The following ERICH6B variants were observed in gnomAD, a reference collection of about 807,000 sequenced individuals.
The protein encoded by ERICH6B is glutamate-rich protein 6B.
ERICH6B carries 69 observed loss-of-function variants against 80.0 expected under a neutral mutation model. The observed-to-expected ratio is 0.86, with a 90% CI of 0.71 to 1.05. ERICH6B has a LOEUF of 1.05. Among genes scored for constraint, ERICH6B ranks in the 50% least tolerant of loss-of-function variants. The probability of loss-of-function intolerance (pLI) is 0.00; values close to 1 mark genes in which losing one functional copy is unlikely to be tolerated. For synonymous variants in ERICH6B, 283 were observed against 291.9 expected, an observed-to-expected ratio of 0.97 and a Z score of 0.31; for missense variants, 754 against 796.1, an observed-to-expected ratio of 0.95 and a Z score of 0.64.
intron 8 of ERICH6B, among the ~76,000 whole-genome samples, chr13:45,569,523 G>A (rs763290126): frequency 3.3e-5 from 5 of 152,206 alleles, no homozygotes; most frequent in Non-Finnish European, 7.4e-5. Flanking sequence ...AAGAGTTTGT[G>A]TTTTGGATCC....
rs201041174 is a variant in ERICH6B, at chr13:45,597,988, C to T, written c.-58-925G>A. 1.1e-4 allele frequency among the ~76,000 whole-genome samples: 17 copies of T among 152,280 alleles called. No homozygotes were observed. In the East Asian group the frequency reaches 1.4e-3, roughly 12 times the overall value. ...CTAGTCATTTGCTGCAAAGAGTGTTCTTATAAAAATATAAATCAAATCAGG... is the reference window on the plus strand; with the variant it reads ...CTAGTCATTTGCTGCAAAGAGTGTTTTTATAAAAATATAAATCAAATCAGG... On this transcript the variant is annotated intron_variant, in intron 2 of 14. Transcript: ENST00000298738.
At chr13:45,562,759 G>A (rs1665556690) in intron 10 of ERICH6B, among the ~76,000 whole-genome samples, 1 of 152,236 alleles carries the variant, frequency 6.6e-6, no homozygotes, top group Non-Finnish European at 1.5e-5. Context: ...CCCAGCATAA[G>A]CACTGTGTGG....
chr13:45,544,117 G>T (rs1442291942), intron 14 of ERICH6B, among the ~76,000 whole-genome samples: 1 of 152,168 alleles, frequency 6.6e-6, no homozygotes, highest in Non-Finnish European at 1.5e-5. Context: ...TGTCGCCCAG[G>T]CTGAGAGTGC....
intron 2 of ERICH6B, among the ~76,000 whole-genome samples, chr13:45,605,995 C>T (rs1057467928): frequency 7.2e-5 from 11 of 152,204 alleles, no homozygotes; most frequent in African/African-American, 2.7e-4. Context: ...CAATGTCTGT[C>T]TCATTCCAAA....
At chr13:45,568,194 G>A in intron 9 of ERICH6B, 121 bp downstream of exon 9, 1 of 1,139,922 alleles carries the variant, frequency 8.8e-7, no homozygotes, top group South Asian at 2.0e-5. Flanking sequence ...CCTTGACTCA[G>A]GGAACCTGTC....
rs146350941 is a variant in ERICH6B at position 45,591,513 on chromosome 13, G to A, written c.638-816C>T. 3.7e-3 allele frequency among the ~76,000 whole-genome samples: 558 copies of A among 152,256 alleles called. 3 individuals carry two copies. The highest frequency in any genetic ancestry group is 0.01 in the East Asian group (53 of 5,176). ...CGGGAGGCTGAGTCAGGAGAATGGC[G>A]TGAACCCAGGAGGCGGAGCTTGCAC... is the stretch of plus-strand genomic sequence containing the variant. On this transcript the variant is annotated intron_variant, in intron 3 of 14. Transcript: ENST00000298738.
At chr13:45,559,756 G>A (rs891465407) in intron 11 of ERICH6B, among the ~76,000 whole-genome samples, 5 of 152,106 alleles carry the variant, frequency 3.3e-5, no homozygotes, top group Admixed American at 6.5e-5. Flanking sequence ...TGGTCTGAGA[G>A]AGTGCTTATA....
At chr13:45,579,804 C>T (rs1329679483) in intron 7 of ERICH6B, 129 bp downstream of exon 7, 12 of 805,986 alleles carry the variant, frequency 1.5e-5, no homozygotes, top group Non-Finnish European at 2.4e-5. Flanking sequence ...GCCCAGGATG[C>T]CCCTCAGTCC....
intron 8 of ERICH6B, among the ~76,000 whole-genome samples, chr13:45,573,374 T>C (rs1875256010): frequency 6.6e-6 from 1 of 152,212 alleles, no homozygotes; most frequent in Non-Finnish European, 1.5e-5. Flanking sequence ...TGTATATGTG[T>C]ATATGCGTTA....
chr13:45,577,351 T>C (rs1875459311), intron 7 of ERICH6B, among the ~76,000 whole-genome samples: 1 of 140,078 alleles, frequency 7.1e-6, no homozygotes, highest in Non-Finnish European at 1.5e-5. Flanking sequence ...TGGCGCGATC[T>C]CAGCTCACTG....
chr13:45,545,160 C>G (rs1302307553), intron 13 of ERICH6B, among the ~76,000 whole-genome samples, 175 bp from the exon 14 acceptor site: 1 of 152,212 alleles, frequency 6.6e-6, no homozygotes, highest in African/African-American at 2.4e-5. Context: ...CTGTCCCCTG[C>G]GCTGGCCTCA....
intron 5 of ERICH6B, among the ~76,000 whole-genome samples, chr13:45,582,236 C>T (rs7330034): frequency 0.069 from 10,472 of 152,252 alleles, 908 homozygotes; most frequent in African/African-American, 0.2. Flanking sequence ...CCAAACTGAA[C>T]GCGCCATTCC....
At chr13:45,597,095 GC>G in intron 2 of ERICH6B, 32 bp from the exon 3 acceptor site, 1 of 1,353,110 alleles carries the variant, frequency 7.4e-7, no homozygotes, top group Non-Finnish European at 9.9e-7. Flanking sequence ...AATCCTATTA[GC>G]CAGTAATAGC....
chr13:45,545,969 A>G (rs924866549), intron 13 of ERICH6B, among the ~76,000 whole-genome samples: 2 of 152,170 alleles, frequency 1.3e-5, no homozygotes, highest in Non-Finnish European at 2.9e-5. Context: ...AGTGTTCTCA[A>G]TGACTTTATA....
At chr13:45,610,690 T>C (rs1453475212) in intron 1 of ERICH6B, among the ~76,000 whole-genome samples, 1 of 152,226 alleles carries the variant, frequency 6.6e-6, no homozygotes, top group African/African-American at 2.4e-5. Flanking sequence ...TACTGAATGC[T>C]GTAGGCAATT....
At chr13:45,590,928 T>C (rs1300747470) in intron 3 of ERICH6B, among the ~76,000 whole-genome samples, 1 of 152,200 alleles carries the variant, frequency 6.6e-6, no homozygotes, top group Admixed American at 6.5e-5. Flanking sequence ...ATTTTGGAAA[T>C]TCGAGTTTGC....
intron 11 of ERICH6B, among the ~76,000 whole-genome samples, chr13:45,552,697 G>T (rs938099160): frequency 6.6e-6 from 1 of 151,850 alleles, no homozygotes; most frequent in East Asian, 1.9e-4. Context: ...GAACAATAAG[G>T]CCTTCTATTT....
intron 2 of ERICH6B, among the ~76,000 whole-genome samples, chr13:45,601,480 A>C (rs2138029224): frequency 6.6e-6 from 1 of 152,018 alleles, no homozygotes; most frequent in East Asian, 1.9e-4. Flanking sequence ...CCCCTGGGAG[A>C]GGTGAGGAGC....
intron 1 of ERICH6B, among the ~76,000 whole-genome samples, chr13:45,608,831 G>A (rs1949883779): frequency 6.6e-6 from 1 of 152,084 alleles, no homozygotes; most frequent in Non-Finnish European, 1.5e-5. Flanking sequence ...TTTGGCCTGT[G>A]GGCACCGTGA....
Sources: allele counts gnomAD v4.1 joint callset (sites outside exome capture counted in the v4.1 genomes callset), GRCh38; gene constraint gnomAD v4.1.1; transcripts MANE v1.5; gene names NCBI Gene and HGNC (gene_info 2026-07-23, HGNC 2026-07-21).